SRBD1: variants seen among roughly 807,000 people sequenced by gnomAD.
The protein encoded by SRBD1 is S1 RNA-binding domain-containing protein 1.
A neutral mutation model predicts 115.3 loss-of-function variants in SRBD1; 88 were observed. That is an observed-to-expected ratio of 0.76 (90% CI 0.64 to 0.91). The LOEUF is 0.91. Ranked by LOEUF, SRBD1 falls within the 40% of genes least tolerant of loss-of-function variation. The pLI, the probability that SRBD1 is intolerant of heterozygous loss-of-function variation, is 0.00. For missense variants in SRBD1, 1,385 were observed against 1,177.4 expected (o/e 1.18, Z -2.58); for synonymous variants, 509 against 407.7 (o/e 1.25, Z -2.99).
intron 14 of SRBD1, among the ~76,000 whole-genome samples, chr2:45,528,815 T>C (rs1372319905): frequency 6.6e-6 from 1 of 151,852 alleles, no homozygotes; most frequent in African/African-American, 2.4e-5. Context: ...TTAACAGGCT[T>C]AGAAGTACAA....
chr2:45,587,213 A>C (rs1430076997), intron 4 of SRBD1, among the ~76,000 whole-genome samples: 2 of 145,526 alleles, frequency 1.4e-5, no homozygotes, highest in Non-Finnish European at 3.0e-5. Context: ...TTATTTTAAA[A>C]TATTATAAAT....
intron 16 of SRBD1, among the ~76,000 whole-genome samples, chr2:45,437,950 T>C (rs1668550108): frequency 6.6e-6 from 1 of 152,186 alleles, no homozygotes; most frequent in Admixed American, 6.5e-5. Context: ...CTATAAATAG[T>C]GAATATAGGT....
At position 45,527,008 on chromosome 2, in the gene SRBD1, T is replaced by A. The variant is rs1039456087; in HGVS notation, c.1874+19724A>T. Among the ~76,000 whole-genome samples the A allele has an allele frequency of 5.9e-5, 9 of 152,060 alleles. No homozygotes were observed. In the South Asian group the frequency reaches 1.2e-3, roughly 21 times the overall value. On this transcript the variant is annotated intron_variant, in intron 14 of 20. Transcript: ENST00000263736. ...CGATCTGGGAACACAGATCATTTAA[T>A]CATTTTAAGTTGTTTCCATAGTTTT... is the stretch of plus-strand genomic sequence containing the variant.
At chr2:45,560,524 T>A (rs1298943468) in intron 10 of SRBD1, among the ~76,000 whole-genome samples, 1 of 152,176 alleles carries the variant, frequency 6.6e-6, no homozygotes, top group Non-Finnish European at 1.5e-5. Flanking sequence ...TTTAATTCTC[T>A]CAAATCTACA....
chr2:45,548,681 GT>G lies in SRBD1; in HGVS notation c.1676-1070del, dbSNP rs1313230493. Among the ~76,000 whole-genome samples, 61 of 144,876 alleles carry G rather than the reference GT, an allele frequency of 4.2e-4. 1 individual carries two copies. The Admixed American group carries it at 4.2e-3, about 10-fold the overall frequency. The stretch of plus-strand genomic sequence containing the variant: ...TAATATAATTAATCACAGCAACATA[GT>G]AAAGGACAAAAGCCACATGATATAT... On this transcript the variant is annotated intron_variant, in intron 12 of 20. Transcript: ENST00000263736.
At chr2:45,493,820 A>G (rs1026660788) in intron 14 of SRBD1, among the ~76,000 whole-genome samples, 1 of 152,022 alleles carries the variant, frequency 6.6e-6, no homozygotes, top group Non-Finnish European at 1.5e-5. Context: ...TCAAAAAAAA[A>G]AAAAAATAAA....
In SRBD1 at chr2:45,599,882, A is replaced by T. The variant is rs748359624; in HGVS notation, c.262-47T>A. On this transcript the variant is annotated intron_variant, in intron 3 of 20. Transcript: ENST00000263736. ...ATATGAGAATTAGAAGATAAAAAGCAATTTCCTGGGACTATTACTCACAAA... is the reference window on the plus strand; with the variant it reads ...ATATGAGAATTAGAAGATAAAAAGCTATTTCCTGGGACTATTACTCACAAA... 2.6e-6 allele frequency: 4 copies of T among 1,543,356 alleles called. No individual in the cohort carries two copies. In the South Asian group the frequency reaches 3.7e-5, roughly 14 times the overall value.
intron 16 of SRBD1, among the ~76,000 whole-genome samples, chr2:45,465,200 A>G (rs1669447568): frequency 6.6e-6 from 1 of 152,164 alleles, no homozygotes; most frequent in Non-Finnish European, 1.5e-5. Context: ...TCTCTAGATT[A>G]CTTATAATAC....
intron 7 of SRBD1, among the ~76,000 whole-genome samples, chr2:45,575,982 G>A (rs1191219904): frequency 1.3e-5 from 2 of 152,170 alleles, no homozygotes; most frequent in Non-Finnish European, 2.9e-5. Context: ...GGGATTACAG[G>A]CGTGAGCCAC....
intron 16 of SRBD1, among the ~76,000 whole-genome samples, chr2:45,468,961 TG>T (rs1669571219): frequency 6.6e-6 from 1 of 152,196 alleles, no homozygotes; most frequent in African/African-American, 2.4e-5. Flanking sequence ...CCTCCATTCA[TG>T]GTAAGAGAGA....
intron 16 of SRBD1, among the ~76,000 whole-genome samples, chr2:45,472,080 C>G (rs1669665940): frequency 6.6e-6 from 1 of 151,980 alleles, no homozygotes; most frequent in South Asian, 2.1e-4. Context: ...AATCCAAAAG[C>G]CTACCAACTG....
intron 16 of SRBD1, among the ~76,000 whole-genome samples, chr2:45,424,225 T>C (rs1283317838): frequency 2.6e-5 from 4 of 152,146 alleles, no homozygotes; most frequent in Non-Finnish European, 1.5e-5. Context: ...AGTTGCCTCA[T>C]ACTTTGTGCT....
At chr2:45,495,925 C>T (rs1339997647) in intron 14 of SRBD1, among the ~76,000 whole-genome samples, 4 of 152,164 alleles carry the variant, frequency 2.6e-5, no homozygotes, top group Non-Finnish European at 5.9e-5. Flanking sequence ...ACCCACCTGC[C>T]ATCCCCACAA....
intron 19 of SRBD1, among the ~76,000 whole-genome samples, chr2:45,412,384 T>C (rs1667630097): frequency 6.6e-6 from 1 of 152,068 alleles, no homozygotes; most frequent in Non-Finnish European, 1.5e-5. Flanking sequence ...TTTTTAAATA[T>C]TTTTAAAAGA....
At chr2:45,478,228 CA>C (rs974502079) in intron 15 of SRBD1, among the ~76,000 whole-genome samples, 23 of 152,198 alleles carry the variant, frequency 1.5e-4, no homozygotes, top group African/African-American at 5.3e-4. Flanking sequence ...TTAAGACCAT[CA>C]AAGAAAATCC....
chr2:45,515,862 G>C (rs1671102503), intron 14 of SRBD1, among the ~76,000 whole-genome samples: 1 of 152,190 alleles, frequency 6.6e-6, no homozygotes, highest in Non-Finnish European at 1.5e-5. Flanking sequence ...TCTATCATCA[G>C]TAGGCAGGTC....
At chr2:45,468,103 CTTA>C (rs1479257983) in intron 16 of SRBD1, among the ~76,000 whole-genome samples, 1 of 152,104 alleles carries the variant, frequency 6.6e-6, no homozygotes, top group African/African-American at 2.4e-5. Context: ...AAATTCTGCG[CTTA>C]TTTTTATAAT....
chr2:45,443,282 C>T (rs1668724833), intron 16 of SRBD1, among the ~76,000 whole-genome samples: 1 of 152,026 alleles, frequency 6.6e-6, no homozygotes, highest in South Asian at 2.1e-4. Context: ...GGGAAAGAAG[C>T]AGATGGAGTT....
chr2:45,480,170 C>T (rs774860573), intron 15 of SRBD1, among the ~76,000 whole-genome samples: 1 of 152,146 alleles, frequency 6.6e-6, no homozygotes, highest in Non-Finnish European at 1.5e-5. Context: ...AAGATTAATA[C>T]TGTTTTCATG....
Sources: gnomAD v4.1 joint callset for allele counts (sites outside exome capture counted in the v4.1 genomes callset) on GRCh38, gnomAD v4.1.1 for gene constraint, MANE v1.5 for transcripts, NCBI Gene and HGNC (gene_info 2026-07-23, HGNC 2026-07-21) for gene names.